NXPE2: variants seen among roughly 807,000 people sequenced by gnomAD.
The protein encoded by NXPE2 is neurexophilin and PC-esterase domain family member 2.
Under a neutral mutation model 34.4 loss-of-function variants are expected in NXPE2, and 34 were observed. The observed-to-expected ratio is 0.99, with a 90% CI of 0.75 to 1.31. NXPE2 has a LOEUF of 1.31. Among genes scored for constraint, NXPE2 ranks in the 40% most tolerant of loss-of-function variants. The pLI is 0.00. For missense variants in NXPE2, 649 were observed against 672.5 expected (o/e 0.97, Z 0.39); for synonymous variants, 235 against 231.3 (o/e 1.02, Z -0.15).
chr11:114,517,729 T>C, the NXPE2 span: 2 of 152,264 alleles, frequency 1.3e-5, no homozygotes, highest in Middle Eastern at 3.4e-3. Flanking sequence ...TGGAAGAGAA[T>C]AGAGAAACCA....
At chr11:114,556,564 G>GTATA in the NXPE2 span, among the ~76,000 whole-genome samples, 2 of 151,908 alleles carry the variant, frequency 1.3e-5, no homozygotes, top group Admixed American at 1.3e-4. Context: ...ACACACTGAG[G>GTATA]TATATTGTCA....
chr11:114,741,470 G>A, the NXPE2 span, among the ~76,000 whole-genome samples: 1 of 151,676 alleles, frequency 6.6e-6, no homozygotes, highest in Non-Finnish European at 1.5e-5. Context: ...CTCTCTTGGT[G>A]GTGTCCTATA....
chr11:114,766,049 A>G, the NXPE2 span, among the ~76,000 whole-genome samples: 2 of 152,072 alleles, frequency 1.3e-5, no homozygotes, highest in Non-Finnish European at 2.9e-5. Context: ...CTCCCTCAAT[A>G]CACCATGTTT....
the NXPE2 span, among the ~76,000 whole-genome samples, chr11:114,809,211 T>C: frequency 6.6e-6 from 1 of 151,976 alleles, no homozygotes; most frequent in South Asian, 2.1e-4. Flanking sequence ...ATAAGAGCTA[T>C]CTATGACAAA....
the NXPE2 span, among the ~76,000 whole-genome samples, chr11:114,474,859 C>T: frequency 3.9e-5 from 6 of 152,014 alleles, no homozygotes; most frequent in East Asian, 1.9e-4. Context: ...ACCATGCAAG[C>T]GAAAACTATG....
At chr11:114,653,262 T>C in the NXPE2 span, among the ~76,000 whole-genome samples, 1 of 152,214 alleles carries the variant, frequency 6.6e-6, no homozygotes, top group African/African-American at 2.4e-5. Context: ...GCAAACATTA[T>C]AAAAATGTTC....
chr11:114,699,083 G>A (rs1054784718), intron 3 of NXPE2, among the ~76,000 whole-genome samples: 1 of 152,074 alleles, frequency 6.6e-6, no homozygotes, highest in African/African-American at 2.4e-5. Flanking sequence ...ATGTGTTCCA[G>A]GGAATACTAA....
the NXPE2 span, among the ~76,000 whole-genome samples, chr11:114,743,272 C>T: frequency 6.9e-6 from 1 of 145,432 alleles, no homozygotes; most frequent in Non-Finnish European, 1.5e-5. Flanking sequence ...AGTAATTGTG[C>T]ACCAAGGCCT....
At chr11:114,526,830 A>G in the NXPE2 span, 4 of 152,212 alleles carry the variant, frequency 2.6e-5, no homozygotes, top group African/African-American at 4.8e-5. Flanking sequence ...TTCTCAATGT[A>G]TATATGACAG....
the NXPE2 span, among the ~76,000 whole-genome samples, chr11:114,485,503 T>TA: frequency 6.6e-6 from 1 of 151,072 alleles, no homozygotes; most frequent in Non-Finnish European, 1.5e-5. Flanking sequence ...GTGTTGGGAT[T>TA]ACAGGCGTGA....
At chr11:114,578,656 G>A in the NXPE2 span, among the ~76,000 whole-genome samples, 1 of 152,162 alleles carries the variant, frequency 6.6e-6, no homozygotes, top group Non-Finnish European at 1.5e-5. Flanking sequence ...GGAAGGCCAG[G>A]ATGGAGCCAC....
chr11:114,526,533 T>G, the NXPE2 span: 1 of 121,644 alleles, frequency 8.2e-6, no homozygotes, highest in Non-Finnish European at 1.8e-5. Flanking sequence ...TCAGTTGGTT[T>G]CTGTGGCTTT....
chr11:114,798,250 G>A, the NXPE2 span, among the ~76,000 whole-genome samples: 1 of 152,150 alleles, frequency 6.6e-6, no homozygotes, highest in Non-Finnish European at 1.5e-5. Context: ...CAAAATTTCT[G>A]TCACCAACAG....
At chr11:114,497,049 C>T in the NXPE2 span, among the ~76,000 whole-genome samples, 2 of 152,174 alleles carry the variant, frequency 1.3e-5, no homozygotes, top group Admixed American at 1.3e-4. Context: ...CTTATTAAAA[C>T]AGCCTCAGGC....
chr11:114,806,085 G>C, the NXPE2 span, among the ~76,000 whole-genome samples: 4 of 152,138 alleles, frequency 2.6e-5, no homozygotes, highest in East Asian at 5.8e-4. Flanking sequence ...AGGCAAACAG[G>C]GTCTGGAGTG....
At chr11:114,812,976 C>T in the NXPE2 span, among the ~76,000 whole-genome samples, 3 of 152,146 alleles carry the variant, frequency 2.0e-5, no homozygotes, top group African/African-American at 7.2e-5. Flanking sequence ...TATGGCTGCA[C>T]CCTGGGGAGA....
chr11:114,723,296 A>C, the NXPE2 span, among the ~76,000 whole-genome samples: 8 of 152,276 alleles, frequency 5.3e-5, no homozygotes, highest in African/African-American at 1.4e-4. Flanking sequence ...ATTTACAAGG[A>C]AAGAGTGAAG....
At chr11:114,551,803 A>T in the NXPE2 span, among the ~76,000 whole-genome samples, 3 of 152,136 alleles carry the variant, frequency 2.0e-5, no homozygotes, top group Non-Finnish European at 4.4e-5. Context: ...AGGAAGGGGG[A>T]AGAAGGAGAT....
chr11:114,533,500 G>A, the NXPE2 span, among the ~76,000 whole-genome samples: 11 of 152,350 alleles, frequency 7.2e-5, no homozygotes, highest in African/African-American at 9.6e-5. Flanking sequence ...CGCCTCACCC[G>A]GGAAGCACAA....
Sources: gnomAD v4.1 joint callset for allele counts (sites outside exome capture counted in the v4.1 genomes callset) on GRCh38, gnomAD v4.1.1 for gene constraint, MANE v1.5 for transcripts, NCBI Gene and HGNC (gene_info 2026-07-23, HGNC 2026-07-21) for gene names.